Variants in HDAC11 observed in about 807,000 individuals in gnomAD.
HDAC11 encodes the protein histone deacetylase 11.
Under a neutral mutation model 41.1 loss-of-function variants are expected in HDAC11, and 23 were observed. The observed-to-expected ratio is 0.56, with a 90% CI of 0.40 to 0.79. The LOEUF (loss-of-function observed/expected upper bound fraction) is 0.79, where lower values mean the gene tolerates loss of function less well. Ranked by LOEUF, HDAC11 falls within the 30% of genes least tolerant of loss-of-function variation. HDAC11 has a pLI of 0.00. For synonymous variants in HDAC11, 187 were observed against 186.6 expected (o/e 1.00, Z -0.02); for missense variants, 402 against 477.3 (o/e 0.84, Z 1.47).
chr3:13,502,767 G>A lies in HDAC11; in HGVS notation c.553-117G>A. 2 of 718,718 alleles carry A rather than the reference G, an allele frequency of 2.8e-6. No homozygotes were observed. The highest frequency in any genetic ancestry group is 4.9e-6 in the Non-Finnish European group (2 of 411,864). The allele number at this position is 718,718 out of a possible 1,614,324, so 44.5% of individuals were successfully genotyped here. A position where few individuals can be genotyped will look rare whatever the true frequency, so the allele number is the denominator to read the frequency against. ...AACAGTCATGAGACCTGCTGCCCCC[G>A]AGAGCAGGCCGTGCTGCCCTGGCAA... On this transcript the variant is annotated intron_variant, in intron 7 of 9. Transcript: ENST00000295757. This position sits in a 1 kb window ranked among gnomAD's most constrained non-coding sequence, Gnocchi z 4.1.
chr3:13,480,850 C>T lies in HDAC11; in HGVS notation c.3-396C>T. On this transcript the variant is annotated intron_variant, in intron 1 of 9. Coordinates refer to ENST00000295757, the MANE Select transcript of HDAC11 (RefSeq NM_024827.4). This position sits in a 1 kb window ranked among gnomAD's most constrained non-coding sequence, Gnocchi z 4.6. ...TGCATTCTCTGAGTCCTCACAACAG[C>T]CACACATTTTGCAGCCGAAGCCTTG... is the stretch of plus-strand genomic sequence containing the variant. 2.5e-6 allele frequency: 1 copy of T among 392,642 alleles called. No individual in the cohort carries two copies. The highest frequency in any genetic ancestry group is 5.3e-6 in the Non-Finnish European group (1 of 187,634). The allele number at this position is 392,642 out of a possible 1,614,324, so 24.3% of individuals were successfully genotyped here.
chr3:13,493,102 G>A (rs565000266), intron 3 of HDAC11, among the ~76,000 whole-genome samples: 3 of 152,276 alleles, frequency 2.0e-5, no homozygotes, highest in South Asian at 4.1e-4. Context: ...CTGGATCTGG[G>A]CAGTCCCACC....
At chr3:13,503,593 C>T (rs963596016) in intron 8 of HDAC11, among the ~76,000 whole-genome samples, 23 of 152,130 alleles carry the variant, frequency 1.5e-4, no homozygotes, top group African/African-American at 5.1e-4. Flanking sequence ...CATGTATAAT[C>T]GTTAAAATGA....
At chr3:13,496,601 G>T (rs1702107100) in intron 3 of HDAC11, 135 bp from the exon 4 acceptor site, 1 of 616,500 alleles carries the variant, frequency 1.6e-6, no homozygotes. Context: ...TCTACCAAAG[G>T]AAGTGTGCTT....
intron 8 of HDAC11, among the ~76,000 whole-genome samples, chr3:13,503,637 A>T (rs921398469): frequency 1.3e-5 from 2 of 152,194 alleles, no homozygotes; most frequent in African/African-American, 4.8e-5. Flanking sequence ...AAAGGCAGAG[A>T]CTCTCAGATG....
chr3:13,504,234 G>A lies in HDAC11; in HGVS notation c.790G>A (p.Glu264Lys), dbSNP rs750626336. The A allele has an allele frequency of 1.2e-5, 19 of 1,613,642 alleles. No individual in the cohort carries two copies. In the East Asian group the frequency reaches 2.9e-4, roughly 25 times the overall value. ...VVYNAGTDILEGDRLGGLSIS... is the reference protein window; with the variant it reads ...VVYNAGTDILKGDRLGGLSIS... Reference sequence around the variant, plus strand: ...ATACAATGCAGGCACCGACATCCTCGAGGGGGACCGCCTTGGGGGGCTGTC... The same window carrying A: ...ATACAATGCAGGCACCGACATCCTCAAGGGGGACCGCCTTGGGGGGCTGTC... The change falls in exon 9 of 10, where the codon GAG becomes AAG. Residue 264 changes from glutamate (E) to lysine (K), a missense_variant. Coordinates refer to ENST00000295757, the MANE Select transcript of HDAC11 (RefSeq NM_024827.4).
chr3:13,504,204 G>C lies in HDAC11; in HGVS notation c.760G>C (p.Val254Leu). The C allele has an allele frequency of 6.2e-7, 1 of 1,613,950 alleles. No homozygotes were observed. The highest frequency in any genetic ancestry group is 8.5e-7 in the Non-Finnish European group (1 of 1,180,028). Residue 254 changes from valine to leucine, a missense_variant, in exon 9 of 10, where the codon GTG becomes CTG. Coordinates refer to ENST00000295757, the MANE Select transcript of HDAC11 (RefSeq NM_024827.4). Reference protein sequence around the residue: ...KSLQEHLPDVVVYNAGTDILE... With the variant: ...KSLQEHLPDVLVYNAGTDILE... The stretch of plus-strand genomic sequence containing the variant: ...CCTCCAGGAGCACCTGCCCGACGTG[G>C]TGGTATACAATGCAGGCACCGACAT...
At position 13,501,902 on chromosome 3, in the gene HDAC11, G is replaced by C. The variant is rs1160491480; in HGVS notation, c.521G>C (p.Arg174Thr). 2.5e-6 allele frequency: 4 copies of C among 1,613,878 alleles called. No homozygotes were observed. The highest frequency in any genetic ancestry group is 1.7e-6 in the Non-Finnish European group (2 of 1,179,970). ...FLFERVEGISRATIIDLDAHQ... is the reference protein window; with the variant it reads ...FLFERVEGISTATIIDLDAHQ... The stretch of plus-strand genomic sequence containing the variant: ...TTTGAGCGTGTGGAGGGCATCTCCA[G>C]GGCTACCATCATTGATCTTGATGCC... The change falls in exon 7 of 10, where the codon AGG (arginine) becomes ACG (threonine). Residue 174 changes from arginine (R) to threonine (T), a missense_variant. By Grantham distance (71) the Arg-to-Thr change is moderately conservative. Transcript: ENST00000295757.
At chr3:13,495,113 C>T (rs1414027216) in intron 3 of HDAC11, among the ~76,000 whole-genome samples, 3 of 152,112 alleles carry the variant, frequency 2.0e-5, no homozygotes, top group Non-Finnish European at 4.4e-5. Context: ...CAGCTTGGTG[C>T]CTCCCTCCAC....
rs185564945 is a variant in HDAC11 at position 13,495,061 on chromosome 3, C to T, written c.253-1675C>T. Among the ~76,000 whole-genome samples the T allele has an allele frequency of 2.9e-3, 436 of 152,150 alleles. 4 individuals carry two copies. The highest frequency in any genetic ancestry group is 0.01 in the African/African-American group (422 of 41,502). On this transcript the variant is annotated intron_variant, in intron 3 of 9. Transcript: ENST00000295757. ...AAAACTCCTCCTCCTGGTTGGTGAACGCAATGGCCACACTTCCCACTTTCC... is the reference window on the plus strand; with the variant it reads ...AAAACTCCTCCTCCTGGTTGGTGAATGCAATGGCCACACTTCCCACTTTCC...
chr3:13,490,139 G>A (rs760304448), intron 3 of HDAC11, among the ~76,000 whole-genome samples: 31 of 151,888 alleles, frequency 2.0e-4, no homozygotes, highest in Admixed American at 5.2e-4. Context: ...GATTACAGGC[G>A]CCCGGCACCA....
chr3:13,483,366 G>A, intron 2 of HDAC11, 98 bp from the exon 3 acceptor site: 2 of 989,750 alleles, frequency 2.0e-6, no homozygotes, highest in Non-Finnish European at 3.2e-6. Flanking sequence ...CTGGGGCAGG[G>A]GCTGCCACAG....
intron 3 of HDAC11, 65 bp from the exon 4 acceptor site, chr3:13,496,671 C>A: frequency 9.4e-7 from 1 of 1,066,502 alleles, no homozygotes; most frequent in Non-Finnish European, 1.4e-6. Context: ...CCCGGGGAAC[C>A]AATTTCTCAC....
intron 3 of HDAC11, among the ~76,000 whole-genome samples, chr3:13,490,784 C>T (rs1300865425): frequency 2.9e-5 from 3 of 104,642 alleles, no homozygotes; most frequent in African/African-American, 3.7e-5. Context: ...CAGAGTCTCT[C>T]TCTGTTACCA....
chr3:13,498,826 G>A (rs929662843), intron 5 of HDAC11, among the ~76,000 whole-genome samples: 8 of 151,548 alleles, frequency 5.3e-5, no homozygotes, highest in Non-Finnish European at 1.0e-4. Flanking sequence ...CCCTCTTTGC[G>A]TACTTCCGGT....
chr3:13,494,173 G>A (rs1465267616), intron 3 of HDAC11, among the ~76,000 whole-genome samples: 3 of 152,210 alleles, frequency 2.0e-5, no homozygotes, highest in Admixed American at 6.5e-5. Flanking sequence ...TGCCTTTCTC[G>A]TGGTTTGTGT....
At chr3:13,482,859 C>T (rs1036474415) in intron 2 of HDAC11, among the ~76,000 whole-genome samples, 4 of 152,046 alleles carry the variant, frequency 2.6e-5, no homozygotes, top group Non-Finnish European at 4.4e-5. Flanking sequence ...AGTGCAGTGG[C>T]GGAATCAAGG....
intron 1 of HDAC11, 169 bp from the exon 2 acceptor site, chr3:13,481,077 C>A (rs1207081225): frequency 7.4e-6 from 5 of 676,288 alleles, no homozygotes; most frequent in African/African-American, 1.8e-5. Flanking sequence ...GAATTGGGTT[C>A]CGGGAAAGGC....
intron 3 of HDAC11, among the ~76,000 whole-genome samples, chr3:13,495,220 T>C (rs79867806): frequency 9.1e-4 from 138 of 152,178 alleles, no homozygotes; most frequent in African/African-American, 3.3e-3. Flanking sequence ...CCCTTGATCG[T>C]CCCCAGGGGT....
Sources: allele counts gnomAD v4.1 joint callset (sites outside exome capture counted in the v4.1 genomes callset), GRCh38; gene constraint gnomAD v4.1.1; non-coding constraint Gnocchi (gnomAD v3.1); transcripts MANE v1.5; gene names NCBI Gene and HGNC (gene_info 2026-07-23, HGNC 2026-07-21).